Variants in PML observed in about 807,000 individuals in gnomAD.
PML encodes PML nuclear body scaffold.
Under a neutral mutation model 65.2 loss-of-function variants are expected in PML, and 28 were observed. That is an observed-to-expected ratio of 0.43 (90% CI 0.32 to 0.59). The LOEUF is 0.59. Among genes scored for constraint, PML ranks in the 20% least tolerant of loss-of-function variants. PML has a pLI of 0.08. For missense variants in PML, 1,021 were observed against 1,203.4 expected (o/e 0.85, Z 2.24); for synonymous variants, 500 against 508.8 (o/e 0.98, Z 0.23).
At chr15:74,008,099 G>C (rs904368467) in intron 2 of PML, among the ~76,000 whole-genome samples, 1 of 152,222 alleles carries the variant, frequency 6.6e-6, no homozygotes, top group African/African-American at 2.4e-5. Flanking sequence ...GCTGGGATCA[G>C]CTGGGGAAGG....
Position 74,023,021 on chromosome 15 carries a change from G to A in PML, c.796G>A (p.Gly266Ser). 6 of 1,606,456 alleles carry A rather than the reference G, an allele frequency of 3.7e-6. No individual in the cohort carries two copies. Among genetic ancestry groups the A allele is most frequent in the Non-Finnish European group, 4.2e-6 (5 of 1,178,456 alleles). ...TCACGCGCAGATGCACGCGGCCGTC[G>A]GCCAGCTGGGCCGCGCGCGTGCCGA... ...AVHAQMHAAV[G>S]QLGRARAETE... The change falls in exon 3 of 9, where the codon GGC becomes AGC. Residue 266 changes from glycine (G) to serine (S), a missense_variant. By Grantham distance (56) the Gly-to-Ser change is moderately conservative. Coordinates refer to ENST00000268058, the MANE Select transcript of PML (RefSeq NM_033238.3).
intron 4 of PML, chr15:74,031,259 T>A (rs1223128500): frequency 4.5e-6 from 2 of 445,796 alleles, no homozygotes; most frequent in African/African-American, 2.0e-5. Flanking sequence ...CTGGTTTCTT[T>A]TTTTAAAAAA....
intron 2 of PML, among the ~76,000 whole-genome samples, chr15:74,004,188 C>G (rs2069919273): frequency 6.6e-6 from 1 of 152,208 alleles, no homozygotes; most frequent in African/African-American, 2.4e-5. Flanking sequence ...GAGTTCACTG[C>G]AGCCTCAAAC....
intron 2 of PML, among the ~76,000 whole-genome samples, chr15:74,020,418 T>A (rs2070783250): frequency 6.6e-6 from 1 of 151,454 alleles, no homozygotes; most frequent in Admixed American, 6.6e-5. Context: ...GCCTCCCAAG[T>A]AGCTGGGATT....
rs2141900400 is a variant in PML, at chr15:74,047,227, G to A, written c.*2219G>A. On this transcript the variant is annotated 3_prime_UTR_variant, in exon 9 of 9. Coordinates refer to ENST00000268058, the MANE Select transcript of PML (RefSeq NM_033238.3). ...GGAGGTGTGGGAGGCCCAGGACTTT[G>A]GTAACAGGTGATGAATGTGTTGTCT... 4.3e-6 allele frequency: 1 copy of A among 230,730 alleles called. No individual in the cohort carries two copies. The highest frequency in any genetic ancestry group is 6.1e-5 in the East Asian group (1 of 16,304). The allele number at this position is 230,730 out of a possible 1,614,324, so 14.3% of individuals were successfully genotyped here. A position where few individuals can be genotyped will look rare whatever the true frequency, so the allele number is the denominator to read the frequency against.
chr15:74,037,998 G>A lies in PML; in HGVS notation c.1710+3468G>A, dbSNP rs982511370. ...CCTTCTCCTCCCGTCTCACTGGCTC[G>A]CCCCACTCTCTGCCCGGTTGCACAA... On this transcript the variant is annotated intron_variant, in intron 7 of 8. Coordinates refer to ENST00000268058, the MANE Select transcript of PML (RefSeq NM_033238.3). This position sits in a 1 kb window ranked among gnomAD's most constrained non-coding sequence, Gnocchi z 4.2. Among the ~76,000 whole-genome samples the A allele has an allele frequency of 2.0e-4, 31 of 152,012 alleles. No homozygotes were observed. Among genetic ancestry groups the A allele is most frequent in the Non-Finnish European group, 3.5e-4 (24 of 67,926 alleles).
chr15:74,015,708 G>A (rs2070541114), intron 2 of PML, among the ~76,000 whole-genome samples: 1 of 152,178 alleles, frequency 6.6e-6, no homozygotes, highest in African/African-American at 2.4e-5. Flanking sequence ...TTCTTTCATA[G>A]CTCCAGAATG....
At chr15:74,036,415 A>T in intron 7 of PML, 1 of 1,307,096 alleles carries the variant, frequency 7.7e-7, no homozygotes, top group Non-Finnish European at 9.8e-7. Context: ...CCCTTATTCC[A>T]CGACCATCGC....
In PML at chr15:74,034,481, A is replaced by T. The variant is rs1567136651; in HGVS notation, c.1661A>T (p.Glu554Val). 1.9e-6 allele frequency: 3 copies of T among 1,614,094 alleles called. No individual in the cohort carries two copies. Among genetic ancestry groups the T allele is most frequent in the Admixed American group, 1.7e-5 (1 of 60,024 alleles). Residue 554 changes from glutamate to valine, a missense_variant, in exon 7 of 9, where the codon GAA becomes GTA. Coordinates refer to ENST00000268058, the MANE Select transcript of PML (RefSeq NM_033238.3). ...CATCTCCCCTTCCCCGTTTCAGAGG[A>T]ACGCGTTGTGGTGATCAGCAGCTCG... is the stretch of plus-strand genomic sequence containing the variant. ...HVASGAGEAE[E>V]RVVVISSSED...
chr15:74,021,824 A>C (rs1286452976), intron 2 of PML, among the ~76,000 whole-genome samples: 1 of 152,232 alleles, frequency 6.6e-6, no homozygotes, highest in Non-Finnish European at 1.5e-5. Flanking sequence ...TGATTGAATC[A>C]ATTGTGGCCC....
intron 6 of PML, chr15:74,034,242 T>C: frequency 3.4e-6 from 2 of 593,398 alleles, no homozygotes; most frequent in South Asian, 1.9e-5. Flanking sequence ...GATAACTTAA[T>C]TGAATATTCA....
At chr15:74,023,531 G>A (rs1384786615) in intron 3 of PML, 123 bp downstream of exon 3, 3 of 817,660 alleles carry the variant, frequency 3.7e-6, no homozygotes, top group Non-Finnish European at 6.0e-6. Context: ...AGTCTTTGGG[G>A]GTTGGTAAGG....
chr15:74,011,165 C>T (rs1259127770), intron 2 of PML, among the ~76,000 whole-genome samples: 2 of 152,198 alleles, frequency 1.3e-5, no homozygotes, highest in East Asian at 1.9e-4. Flanking sequence ...ATTGCAACAG[C>T]TCCAGAGGTT....
At chr15:74,024,827 C>T in intron 3 of PML, 30 bp from the exon 4 acceptor site, 8 of 1,570,086 alleles carry the variant, frequency 5.1e-6, no homozygotes, top group Non-Finnish European at 7.0e-6. Flanking sequence ...ATGTCCTTGA[C>T]CTGCCTGTGA....
In PML at chr15:74,044,866, C is replaced by G; in HGVS notation, c.2507C>G (p.Pro836Arg). The G allele has an allele frequency of 1.9e-6, 3 of 1,613,550 alleles. No homozygotes were observed. The highest frequency in any genetic ancestry group is 2.2e-5 in the East Asian group (1 of 44,872). Residue 836 changes from proline to arginine, a missense_variant, in exon 9 of 9, where the codon CCT becomes CGT. Physicochemically the swap from Pro to Arg is moderately radical, Grantham distance 103. Coordinates refer to ENST00000268058, the MANE Select transcript of PML (RefSeq NM_033238.3). Reference protein sequence around the residue: ...YLSLQTTTLPPAQPAFNLQAL... With the variant: ...YLSLQTTTLPRAQPAFNLQAL... ...AGCCTGCAGACCACCACGTTGCCCC[C>G]TGCCCAGCCTGCTTTCAACCTGCAG... is the stretch of plus-strand genomic sequence containing the variant.
chr15:74,037,677 C>T lies in PML; in HGVS notation c.1710+3147C>T, dbSNP rs1016770183. On this transcript the variant is annotated intron_variant, in intron 7 of 8. Transcript: ENST00000268058. This position sits in a 1 kb window ranked among gnomAD's most constrained non-coding sequence, Gnocchi z 4.2. ...TTTAGTCGTTATTATTCTTGACCGG[C>T]GCTGGGCCCGGTCTTTCCTGGAAAG... 16 of 985,238 alleles carry T rather than the reference C, an allele frequency of 1.6e-5. No individual in the cohort carries two copies. Among genetic ancestry groups the T allele is most frequent in the Admixed American group, 1.2e-4 (2 of 16,260 alleles). The allele number at this position is 985,238 out of a possible 1,614,324, so 61.0% of individuals were successfully genotyped here.
rs565000110 is a variant in PML at position 73,998,378 on chromosome 15, G to C, written c.504G>C (p.Glu168Asp). 6.2e-7 allele frequency: 1 copy of C among 1,614,138 alleles called. No individual in the cohort carries two copies. The highest frequency in any genetic ancestry group is 1.3e-5 in the African/African-American group (1 of 75,036). The change falls in exon 2 of 9, where the codon GAG (glutamate) becomes GAC (aspartate). Residue 168 changes from glutamate (E) to aspartate (D), a missense_variant. Physicochemically the swap from Glu to Asp is conservative, Grantham distance 45. Coordinates refer to ENST00000268058, the MANE Select transcript of PML (RefSeq NM_033238.3). ...FLKHEARPLA[E>D]LRNQSVREFL... Reference sequence around the variant, plus strand: ...AGCACGAGGCCCGGCCCCTAGCAGAGCTGCGCAACCAGTCGGTGCGTGAGT... The same window carrying C: ...AGCACGAGGCCCGGCCCCTAGCAGACCTGCGCAACCAGTCGGTGCGTGAGT...
At chr15:74,030,475 C>T (rs374440575) in intron 4 of PML, among the ~76,000 whole-genome samples, 4 of 152,186 alleles carry the variant, frequency 2.6e-5, no homozygotes, top group Non-Finnish European at 1.5e-5. Context: ...ATGGTGAAAC[C>T]CCATCTCTAC....
In PML at chr15:74,025,390, A is replaced by G. The variant is rs536592351; in HGVS notation, c.1254+463A>G. 22 of 182,958 alleles carry G rather than the reference A, an allele frequency of 1.2e-4. No individual in the cohort carries two copies. In the East Asian group the frequency reaches 2.7e-3, roughly 22 times the overall value. The allele number at this position is 182,958 out of a possible 1,614,324, so 11.3% of individuals were successfully genotyped here. On this transcript the variant is annotated intron_variant, in intron 4 of 8. Coordinates refer to ENST00000268058, the MANE Select transcript of PML (RefSeq NM_033238.3). Reference sequence around the variant, plus strand: ...GGGAGCCTTCTCTTGGAGTCAGAATAGGTGGGCCTTCCCCTGCTCTTTCCC... The same window carrying G: ...GGGAGCCTTCTCTTGGAGTCAGAATGGGTGGGCCTTCCCCTGCTCTTTCCC...
Sources: gnomAD v4.1 joint callset for allele counts (sites outside exome capture counted in the v4.1 genomes callset) on GRCh38, gnomAD v4.1.1 for gene constraint, Gnocchi (gnomAD v3.1) non-coding constraint, MANE v1.5 for transcripts, NCBI Gene and HGNC (gene_info 2026-07-23, HGNC 2026-07-21) for gene names.